The following FAAH2 variants were observed in gnomAD, a reference collection of about 807,000 sequenced individuals.
The protein encoded by FAAH2 is fatty acid amide hydrolase 2, also known as fatty-acid amide hydrolase 2.
In FAAH2, 60 loss-of-function variants were observed where a neutral mutation model predicts 36.9. That is an observed-to-expected ratio of 1.63 (90% CI 1.32 to 2.02). The LOEUF is 2.02. Ranked by LOEUF, FAAH2 falls within the 30% of genes most tolerant of loss-of-function variation. The pLI, the probability that FAAH2 is intolerant of heterozygous loss-of-function variation, is 0.00. For missense variants in FAAH2, 689 were observed against 397.5 expected (o/e 1.73, Z -6.23); for synonymous variants, 214 against 143.8 (o/e 1.49, Z -3.49).
the FAAH2 span, among the ~76,000 whole-genome samples, chrX:57,185,601 T>TA: frequency 1.8e-5 from 2 of 109,461 alleles, no homozygotes; most frequent in Non-Finnish European, 3.8e-5. Context: ...GCAGGTTTGT[T>TA]ACATAAGTAT....
Position 57,331,742 on chromosome X carries a change from G to A in FAAH2, c.557G>A (p.Ser186Asn). 1 of 1,211,354 alleles carries A rather than the reference G, an allele frequency of 8.3e-7. No individual in the cohort carries two copies. The highest frequency in any genetic ancestry group is 1.1e-6 in the Non-Finnish European group (1 of 895,434). The change falls in exon 4 of 11, where the codon AGT (serine) becomes AAT (asparagine). Residue 186 changes from serine (S) to asparagine (N), a missense_variant. Transcript: ENST00000374900. ...CSELCMWYES[S>N]NKIYGRSNNP... The stretch of plus-strand genomic sequence containing the variant: ...GAGTTGTGTATGTGGTATGAATCCA[G>A]TAACAAGATCTATGGCCGATCAAAC...
the FAAH2 span, among the ~76,000 whole-genome samples, chrX:57,247,537 C>T: frequency 5.4e-5 from 6 of 111,166 alleles, no homozygotes; most frequent in Non-Finnish European, 1.1e-4. Flanking sequence ...TATCTGTGTT[C>T]TTGTGGCACT....
chrX:57,300,699 G>C (rs2052331006), intron 2 of FAAH2, among the ~76,000 whole-genome samples: 1 of 111,540 alleles, frequency 9.0e-6, no homozygotes, highest in Admixed American at 9.5e-5. Flanking sequence ...AAAATTTTTT[G>C]CAACCTACTC....
intron 8 of FAAH2, among the ~76,000 whole-genome samples, chrX:57,436,588 G>A (rs1332430824): frequency 3.6e-5 from 4 of 110,466 alleles, no homozygotes; most frequent in Non-Finnish European, 7.6e-5. Flanking sequence ...TCACATCACA[G>A]AAATACAAAC....
At position 57,314,867 on chromosome X, in the gene FAAH2, C is replaced by A. The variant is rs1026540132; in HGVS notation, c.412+4138C>A. On this transcript the variant is annotated intron_variant, in intron 3 of 10. Coordinates refer to ENST00000374900, the MANE Select transcript of FAAH2 (RefSeq NM_174912.4). The stretch of plus-strand genomic sequence containing the variant: ...TCAAATTAACAATATAACATAACGC[C>A]AATGTGAACTACGATAATAAGAAAA... Among the ~76,000 whole-genome samples, 17 of 110,755 alleles carry A rather than the reference C, an allele frequency of 1.5e-4. 1 individual carries two copies. Among genetic ancestry groups the A allele is most frequent in the Non-Finnish European group, 1.1e-4 (6 of 52,756 alleles).
chrX:57,431,779 G>GTT (rs368910432), intron 7 of FAAH2, 139 bp from the exon 8 acceptor site: 9 of 83,558 alleles, frequency 1.1e-4, no homozygotes, highest in Admixed American at 7.7e-4. Flanking sequence ...TTGTTTTTTT[G>GTT]TTTTTTTGTT....
At chrX:57,354,514 C>T (rs889565789) in intron 5 of FAAH2, among the ~76,000 whole-genome samples, 2 of 110,115 alleles carry the variant, frequency 1.8e-5, no homozygotes, top group African/African-American at 6.6e-5. Flanking sequence ...CCTGCAAGCC[C>T]TGATTTGACT....
intron 2 of FAAH2, among the ~76,000 whole-genome samples, chrX:57,306,101 C>G (rs890931675): frequency 1.8e-5 from 2 of 112,127 alleles, no homozygotes; most frequent in African/African-American, 6.5e-5. Flanking sequence ...GAATTGGCAA[C>G]TGAAAGCTTT....
At chrX:57,331,866 T>C in intron 4 of FAAH2, 59 bp downstream of exon 4, 1 of 1,068,631 alleles carries the variant, frequency 9.4e-7, no homozygotes, top group Non-Finnish European at 1.3e-6. Flanking sequence ...AATTATGAAT[T>C]GTATTAATAA....
chrX:57,324,823 C>A (rs1170362604), intron 3 of FAAH2, among the ~76,000 whole-genome samples: 1 of 111,436 alleles, frequency 9.0e-6, no homozygotes, highest in African/African-American at 3.3e-5. Context: ...CTAATGAATA[C>A]CCTTTATTTC....
intron 8 of FAAH2, among the ~76,000 whole-genome samples, chrX:57,441,433 G>A (rs1398973005): frequency 9.0e-6 from 1 of 110,564 alleles, no homozygotes; most frequent in Non-Finnish European, 1.9e-5. Context: ...TATTTCTTTG[G>A]GATTGGTGGT....
chrX:57,216,581 T>TATAC, the FAAH2 span, among the ~76,000 whole-genome samples: 10 of 10,813 alleles, frequency 9.2e-4, no homozygotes, highest in Admixed American at 1.8e-3. Context: ...TGTATATATA[T>TATAC]GTATATGTAT....
intron 3 of FAAH2, among the ~76,000 whole-genome samples, chrX:57,320,996 T>A (rs1179659635): frequency 9.1e-6 from 1 of 109,658 alleles, no homozygotes. Flanking sequence ...AAAAATTAGC[T>A]GGGTGTGGTG....
the FAAH2 span, among the ~76,000 whole-genome samples, chrX:57,226,065 C>G: frequency 8.9e-6 from 1 of 111,915 alleles, no homozygotes; most frequent in Non-Finnish European, 1.9e-5. Context: ...AGACAGTAGA[C>G]GGTTGGTTAA....
intron 10 of FAAH2, among the ~76,000 whole-genome samples, chrX:57,472,263 C>T (rs778944031): frequency 4.6e-4 from 51 of 111,829 alleles, no homozygotes; most frequent in African/African-American, 1.4e-3. Context: ...TATACTAAGG[C>T]GCTTCTGCAC....
At chrX:57,288,743 T>C (rs2051893747) in intron 1 of FAAH2, among the ~76,000 whole-genome samples, 1 of 111,337 alleles carries the variant, frequency 9.0e-6, no homozygotes, top group Admixed American at 9.6e-5. Context: ...TTGTGATGAA[T>C]TAAATGAATT....
chrX:57,488,003 G>T (rs982623020), intron 10 of FAAH2, among the ~76,000 whole-genome samples: 25 of 111,319 alleles, frequency 2.2e-4, no homozygotes, highest in Non-Finnish European at 1.3e-4. Flanking sequence ...GTGCAGAGTG[G>T]AAGAAATCAG....
rs767735654 is a variant in FAAH2 at position 57,341,283 on chromosome X, G to A, written c.635G>A (p.Cys212Tyr). ...IVGGSSGGEG[C>Y]TLAAACSVIG... ...GTGTTTCTTGTAGGTGGTGAGGGCT[G>A]CACACTGGCAGCTGCCTGCTCAGTT... The change falls in exon 5 of 11, where the codon TGC (cysteine) becomes TAC (tyrosine). Residue 212 changes from cysteine (C) to tyrosine (Y), a missense_variant. By Grantham distance (194) the Cys-to-Tyr change is radical. Coordinates refer to ENST00000374900, the MANE Select transcript of FAAH2 (RefSeq NM_174912.4). The A allele has an allele frequency of 3.3e-6, 4 of 1,207,661 alleles. No individual in the cohort carries two copies. In the East Asian group the frequency reaches 1.2e-4, roughly 36 times the overall value.
the FAAH2 span, among the ~76,000 whole-genome samples, chrX:57,224,135 A>G: frequency 4.5e-5 from 5 of 111,414 alleles, no homozygotes; most frequent in Non-Finnish European, 7.5e-5. Context: ...AGCCACTCAG[A>G]TATTACCTCT....
Sources: gnomAD v4.1 joint callset for allele counts (sites outside exome capture counted in the v4.1 genomes callset) on GRCh38, gnomAD v4.1.1 for gene constraint, MANE v1.5 for transcripts, NCBI Gene and HGNC (gene_info 2026-07-23, HGNC 2026-07-21) for gene names.